The following FBXL2 variants were observed in gnomAD, a reference collection of about 807,000 sequenced individuals.
The protein encoded by FBXL2 is F-box and leucine rich repeat protein 2.
FBXL2 carries 38 observed loss-of-function variants against 69.2 expected under a neutral mutation model. The ratio of observed to expected loss-of-function variants is 0.55; its 90% CI spans 0.42 to 0.72. FBXL2 has a LOEUF of 0.72. FBXL2 is among the 30% of genes least tolerant of loss of function. The probability of loss-of-function intolerance (pLI) is 0.00; values close to 1 mark genes in which losing one functional copy is unlikely to be tolerated. For synonymous variants in FBXL2, 192 were observed against 201.3 expected (o/e 0.95, Z 0.39); for missense variants, 354 against 520.3 (o/e 0.68, Z 3.11).
intron 1 of FBXL2, 114 bp from the exon 2 acceptor site, chr3:33,297,550 C>A: frequency 1.6e-6 from 1 of 634,268 alleles, no homozygotes; most frequent in Non-Finnish European, 2.8e-6. Context: ...TAGTCACACC[C>A]TATTTGTAGG....
At chr3:33,365,733 A>C (rs2041912942) in intron 5 of FBXL2, among the ~76,000 whole-genome samples, 1 of 132,042 alleles carries the variant, frequency 7.6e-6, no homozygotes, top group South Asian at 2.4e-4. Context: ...AAACAAACAA[A>C]CAAACAAACA....
upstream of FBXL2, chr3:33,277,242 G>C (rs2033360782): frequency 5.2e-6 from 2 of 387,862 alleles, no homozygotes; most frequent in African/African-American, 2.1e-5. Flanking sequence ...TGGGTAATCT[G>C]TCAGGTGAGG....
intron 2 of FBXL2, among the ~76,000 whole-genome samples, chr3:33,358,722 G>A (rs977699208): frequency 6.6e-6 from 1 of 152,116 alleles, no homozygotes; most frequent in Non-Finnish European, 1.5e-5. Flanking sequence ...TTAGAACAAG[G>A]GAAATATAAG....
chr3:33,379,855 A>T (rs990675679), intron 13 of FBXL2, among the ~76,000 whole-genome samples: 8 of 152,212 alleles, frequency 5.3e-5, no homozygotes, highest in African/African-American at 1.9e-4. Context: ...TTAATATTTG[A>T]AAACTGACTG....
chr3:33,341,338 A>G (rs1490107126), intron 2 of FBXL2, among the ~76,000 whole-genome samples: 1 of 152,212 alleles, frequency 6.6e-6, no homozygotes, highest in African/African-American at 2.4e-5. Flanking sequence ...TCAACAAATA[A>G]CTTGCATGGG....
chr3:33,297,954 T>C (rs1253610444), intron 2 of FBXL2: 1 of 565,430 alleles, frequency 1.8e-6, no homozygotes. Context: ...GGATTCTTTT[T>C]GTAATGTGGT....
chr3:33,396,591 A>G, intron 12 of FBXL2: 1 of 403,904 alleles, frequency 2.5e-6, no homozygotes, highest in Non-Finnish European at 4.6e-6. Flanking sequence ...GAATTCTCAC[A>G]CCACAAGTAT....
chr3:33,339,785 T>C (rs1432244618), intron 2 of FBXL2, among the ~76,000 whole-genome samples: 2 of 152,224 alleles, frequency 1.3e-5, no homozygotes, highest in Non-Finnish European at 2.9e-5. Context: ...TAGGTATATG[T>C]TCAGGTGAAA....
At chr3:33,296,587 T>C (rs531069784) in intron 1 of FBXL2, among the ~76,000 whole-genome samples, 8 of 152,330 alleles carry the variant, frequency 5.3e-5, no homozygotes, top group Non-Finnish European at 8.8e-5. Context: ...ATTCATTGTT[T>C]TGCTTGTATA....
chr3:33,359,775 T>C (rs2041482503), intron 4 of FBXL2, among the ~76,000 whole-genome samples: 1 of 152,116 alleles, frequency 6.6e-6, no homozygotes, highest in Non-Finnish European at 1.5e-5. Flanking sequence ...AGTGTCACCC[T>C]AGCTTGGCCA....
intron 2 of FBXL2, among the ~76,000 whole-genome samples, chr3:33,347,981 A>G (rs1313094614): frequency 6.6e-6 from 1 of 151,100 alleles, no homozygotes; most frequent in Non-Finnish European, 1.5e-5. Flanking sequence ...TTTTCTCTTC[A>G]CTTTGTTGAT....
intron 1 of FBXL2, among the ~76,000 whole-genome samples, chr3:33,280,124 T>C (rs7626634): frequency 0.16 from 24,025 of 152,192 alleles, 2,097 homozygotes; most frequent in African/African-American, 0.22. Flanking sequence ...GCATGCTTAG[T>C]CTTCTCTCCC....
intron 2 of FBXL2, among the ~76,000 whole-genome samples, chr3:33,320,736 C>T (rs1051973020): frequency 1.2e-4 from 18 of 152,154 alleles, no homozygotes; most frequent in Admixed American, 2.6e-4. Context: ...TCCTCGGCCT[C>T]CCAAAATGCT....
chr3:33,389,741 G>A (rs2043682909), downstream of FBXL2: 1 of 152,856 alleles, frequency 6.5e-6, no homozygotes, highest in Non-Finnish European at 1.5e-5. Flanking sequence ...TTCCTGGCTT[G>A]GATCTTCTCC....
intron 2 of FBXL2, among the ~76,000 whole-genome samples, chr3:33,334,989 T>A (rs569706294): frequency 9.9e-5 from 15 of 152,092 alleles, no homozygotes; most frequent in African/African-American, 3.6e-4. Context: ...TGGTCTCAGC[T>A]ACCTGGGAGG....
chr3:33,370,537 T>C (rs2042231675), intron 5 of FBXL2, among the ~76,000 whole-genome samples: 1 of 152,232 alleles, frequency 6.6e-6, no homozygotes. Flanking sequence ...AAATCTGCTG[T>C]CACCCTTATG....
At chr3:33,417,360 G>A in the FBXL2 span, among the ~76,000 whole-genome samples, 1 of 151,754 alleles carries the variant, frequency 6.6e-6, no homozygotes, top group African/African-American at 2.4e-5. Context: ...GCCCACTCTG[G>A]ATACTTTCAT....
chr3:33,395,750 G>GA (rs61654235), intron 12 of FBXL2, among the ~76,000 whole-genome samples: 7,672 of 69,828 alleles, frequency 0.11, 252 homozygotes, highest in African/African-American at 0.14. Flanking sequence ...CAGGAAAATT[G>GA]AAAAAAAAAA....
intron 2 of FBXL2, chr3:33,298,040 G>T: frequency 3.1e-6 from 1 of 322,268 alleles, no homozygotes; most frequent in South Asian, 3.0e-5. Flanking sequence ...AGTAATATGA[G>T]GAGACATTAT....
Sources: gnomAD v4.1 joint callset for allele counts (sites outside exome capture counted in the v4.1 genomes callset) on GRCh38, gnomAD v4.1.1 for gene constraint, MANE v1.5 for transcripts, NCBI Gene and HGNC (gene_info 2026-07-23, HGNC 2026-07-21) for gene names.